ROBO2: variants seen among roughly 807,000 people sequenced by gnomAD.
The protein encoded by ROBO2 is roundabout guidance receptor 2.
ROBO2 carries 53 observed loss-of-function variants against 160.8 expected under a neutral mutation model. That is an observed-to-expected ratio of 0.33 (90% CI 0.26 to 0.41). The LOEUF (loss-of-function observed/expected upper bound fraction) is 0.41, where lower values mean the gene tolerates loss of function less well. Ranked by LOEUF, ROBO2 falls within the 10% of genes least tolerant of loss-of-function variation. ROBO2 has a pLI of 1.00. For synonymous variants in ROBO2, 664 were observed against 611.7 expected (o/e 1.09, Z -1.26); for missense variants, 1,577 against 1,722.4 (o/e 0.92, Z 1.49).
intron 2 of ROBO2, among the ~76,000 whole-genome samples, chr3:77,263,302 T>C (rs996502358): frequency 1.3e-5 from 2 of 152,316 alleles, no homozygotes; most frequent in South Asian, 2.1e-4. Flanking sequence ...GTTTGTTACA[T>C]AGGTAAACTT....
At chr3:77,045,844 A>G (rs1273490614) in intron 1 of ROBO2, among the ~76,000 whole-genome samples, 1 of 152,228 alleles carries the variant, frequency 6.6e-6, no homozygotes, top group Non-Finnish European at 1.5e-5. Flanking sequence ...TGGACATTTT[A>G]TATATAAATG....
At chr3:76,449,096 T>C (rs760473776) in intron 2 of ROBO2, among the ~76,000 whole-genome samples, 8 of 152,184 alleles carry the variant, frequency 5.3e-5, no homozygotes, top group Non-Finnish European at 1.0e-4. Flanking sequence ...GACTTTTCCA[T>C]TCATGTAATG....
chr3:75,949,103 A>C (rs554362134), intron 2 of ROBO2, among the ~76,000 whole-genome samples: 86 of 152,196 alleles, frequency 5.7e-4, no homozygotes, highest in African/African-American at 2.0e-3. Context: ...TTATTTGTTT[A>C]TGTTTCTGTT....
At chr3:76,714,106 T>A (rs966867898) in intron 2 of ROBO2, among the ~76,000 whole-genome samples, 1 of 152,186 alleles carries the variant, frequency 6.6e-6, no homozygotes, top group African/African-American at 2.4e-5. Context: ...TATTTTTGTT[T>A]TGTTTGATAG....
chr3:77,360,912 G>A (rs2069883058), intron 2 of ROBO2, among the ~76,000 whole-genome samples: 1 of 150,992 alleles, frequency 6.6e-6, no homozygotes, highest in Admixed American at 6.6e-5. Context: ...TTTTTTTCTG[G>A]CTACATTAGT....
At chr3:77,138,958 T>A (rs999600300) in intron 2 of ROBO2, among the ~76,000 whole-genome samples, 1 of 152,128 alleles carries the variant, frequency 6.6e-6, no homozygotes, top group African/African-American at 2.4e-5. Flanking sequence ...AGCATGAGGG[T>A]CTCTGTGCTA....
intron 2 of ROBO2, among the ~76,000 whole-genome samples, chr3:77,098,948 G>A (rs1311920263): frequency 6.6e-6 from 1 of 152,112 alleles, no homozygotes; most frequent in Non-Finnish European, 1.5e-5. Flanking sequence ...TCAAAGATAA[G>A]AGAATTGGGA....
chr3:76,413,802 G>T (rs890740875), intron 2 of ROBO2, among the ~76,000 whole-genome samples: 1 of 152,054 alleles, frequency 6.6e-6, no homozygotes, highest in Non-Finnish European at 1.5e-5. Context: ...TCCAACCTCT[G>T]CCTGTTACCC....
At position 77,010,872 on chromosome 3, in the gene ROBO2, T is replaced by A. The variant is rs28489152; in HGVS notation, c.110-87142T>A. Reference sequence around the variant, plus strand: ...TCCCTCTCTCCCTCCCTCCCTACCTTCCTTCCTCCCTCCCTCCCTCTTTCT... The same window carrying A: ...TCCCTCTCTCCCTCCCTCCCTACCTACCTTCCTCCCTCCCTCCCTCTTTCT... On this transcript the variant is annotated intron_variant, in intron 2 of 26. Transcript: ENST00000487694. Among the ~76,000 whole-genome samples the A allele has an allele frequency of 1.1e-3, 82 of 71,582 alleles. 1 individual carries two copies. The highest frequency in any genetic ancestry group is 1.3e-3 in the African/African-American group (28 of 21,388). The allele number at this position is 71,582 out of a possible 152,430, so 47.0% of individuals were successfully genotyped here. A position where few individuals can be genotyped will look rare whatever the true frequency, so the allele number is the denominator to read the frequency against.
At chr3:75,937,020 G>A (rs896908253) in intron 1 of ROBO2, among the ~76,000 whole-genome samples, 10 of 151,996 alleles carry the variant, frequency 6.6e-5, no homozygotes, top group African/African-American at 2.4e-4. Context: ...CTTAAAACTT[G>A]AGAATATTTT....
intron 2 of ROBO2, among the ~76,000 whole-genome samples, chr3:76,894,374 T>A (rs2074601389): frequency 6.6e-6 from 1 of 152,144 alleles, no homozygotes; most frequent in South Asian, 2.1e-4. Context: ...GTTTAAGTCT[T>A]AGAAGTCTTT....
intron 2 of ROBO2, chr3:76,434,913 C>T: frequency 6.2e-7 from 1 of 1,601,254 alleles, no homozygotes; most frequent in Non-Finnish European, 8.6e-7. Flanking sequence ...TGCACCTAAA[C>T]CCCAAACCAG....
chr3:76,381,104 A>C (rs573835458), intron 2 of ROBO2, among the ~76,000 whole-genome samples: 1 of 152,056 alleles, frequency 6.6e-6, no homozygotes, highest in East Asian at 1.9e-4. Flanking sequence ...AAAAACAGAC[A>C]CAGATAGATA....
At chr3:76,086,502 T>C (rs544700821) in intron 2 of ROBO2, among the ~76,000 whole-genome samples, 4 of 152,156 alleles carry the variant, frequency 2.6e-5, no homozygotes, top group South Asian at 4.1e-4. Flanking sequence ...GGCTGAGAAG[T>C]AGGTAAAGTT....
chr3:76,714,409 A>G (rs1238986747), intron 2 of ROBO2, among the ~76,000 whole-genome samples: 1 of 152,166 alleles, frequency 6.6e-6, no homozygotes, highest in East Asian at 1.9e-4. Context: ...GTCTGAACTC[A>G]TTGAACAACA....
chr3:76,114,838 G>A (rs2070389074), intron 2 of ROBO2, among the ~76,000 whole-genome samples: 1 of 152,122 alleles, frequency 6.6e-6, no homozygotes, highest in Admixed American at 6.6e-5. Flanking sequence ...TGCAGATACT[G>A]AAGTATCACT....
chr3:75,978,196 C>G (rs997667189), intron 2 of ROBO2, among the ~76,000 whole-genome samples: 1 of 151,582 alleles, frequency 6.6e-6, no homozygotes, highest in Non-Finnish European at 1.5e-5. Context: ...CACTTAAAAA[C>G]TGGTTGGCTT....
Position 76,795,153 on chromosome 3 carries a change from C to T in ROBO2, c.110-302861C>T, listed in dbSNP as rs551183918. On this transcript the variant is annotated intron_variant, in intron 2 of 26. Transcript: ENST00000487694. ...GAAAACTGCTAATTATCATCTGAGA[C>T]GTCAGCAAGTCATAGTCTTTTCACT... 8.5e-5 allele frequency among the ~76,000 whole-genome samples: 13 copies of T among 152,136 alleles called. No individual in the cohort carries two copies. In the South Asian group the frequency reaches 1.9e-3, roughly 22 times the overall value.
At chr3:76,272,640 G>T (rs1707507156) in intron 2 of ROBO2, among the ~76,000 whole-genome samples, 1 of 87,452 alleles carries the variant, frequency 1.1e-5, no homozygotes, top group Non-Finnish European at 3.0e-5. Flanking sequence ...TCCAGCCTGG[G>T]CGAAAGAGCG....
Sources: allele counts gnomAD v4.1 joint callset (sites outside exome capture counted in the v4.1 genomes callset), GRCh38; gene constraint gnomAD v4.1.1; transcripts MANE v1.5; gene names NCBI Gene and HGNC (gene_info 2026-07-23, HGNC 2026-07-21).